The following IRF8 variants were observed in gnomAD, a reference collection of about 807,000 sequenced individuals.
IRF8 encodes interferon regulatory factor 8.
IRF8 carries 14 observed loss-of-function variants against 48.7 expected under a neutral mutation model. That is an observed-to-expected ratio of 0.29 (90% CI 0.19 to 0.45). The LOEUF (loss-of-function observed/expected upper bound fraction) is 0.45, where lower values mean the gene tolerates loss of function less well. Ranked by LOEUF, IRF8 falls within the 20% of genes least tolerant of loss-of-function variation. IRF8 has a pLI of 1.00. For missense variants in IRF8, 493 were observed against 580.7 expected (o/e 0.85, Z 1.55); for synonymous variants, 278 against 227.3 (o/e 1.22, Z -2.01).
intron 7 of IRF8, 73 bp from the exon 8 acceptor site, chr16:85,920,036 C>G: frequency 1.8e-6 from 2 of 1,106,764 alleles, no homozygotes. Context: ...CCTGATCCCC[C>G]AGCCCTGCTG....
intron 2 of IRF8, among the ~76,000 whole-genome samples, chr16:85,905,370 GA>G (rs1904966449): frequency 6.6e-6 from 1 of 152,074 alleles, no homozygotes; most frequent in Admixed American, 6.5e-5. Flanking sequence ...GGGGGGTAAT[GA>G]AATAAAGCCC....
chr16:85,906,513 C>T (rs1007474034), intron 2 of IRF8, among the ~76,000 whole-genome samples: 5 of 152,186 alleles, frequency 3.3e-5, no homozygotes, highest in Non-Finnish European at 5.9e-5. Context: ...GCCAGGTACC[C>T]GATGGTGGCC....
rs922890149 is a variant in IRF8, at chr16:85,921,478, G to A, written c.*196G>A. ...GCGGCATAGCCCTGCCGAGATGTCG[G>A]TGATGGCCTGGATGCTGTAACCACA... On this transcript the variant is annotated 3_prime_UTR_variant, in exon 9 of 9. Coordinates refer to ENST00000268638, the MANE Select transcript of IRF8 (RefSeq NM_002163.4). 3.1e-6 allele frequency: 2 copies of A among 641,692 alleles called. No homozygotes were observed. Among genetic ancestry groups the A allele is most frequent in the African/African-American group, 3.6e-5 (2 of 54,902 alleles). The allele number at this position is 641,692 out of a possible 1,614,324, so 39.7% of individuals were successfully genotyped here.
At chr16:85,911,828 C>T (rs1237780143) in intron 4 of IRF8, among the ~76,000 whole-genome samples, 170 bp downstream of exon 4, 1 of 152,340 alleles carries the variant, frequency 6.6e-6, no homozygotes, top group South Asian at 2.1e-4. Flanking sequence ...GGCTGGGCGC[C>T]CCCTCCCCAG....
chr16:85,909,304 C>T, intron 3 of IRF8, 131 bp downstream of exon 3: 1 of 756,386 alleles, frequency 1.3e-6, no homozygotes, highest in Admixed American at 2.1e-5. Flanking sequence ...CAGTTCTCTC[C>T]TTCGTGTAAG....
intron 8 of IRF8, among the ~76,000 whole-genome samples, chr16:85,920,599 T>C (rs985000676): frequency 2.0e-5 from 3 of 152,124 alleles, no homozygotes; most frequent in Admixed American, 2.0e-4. Flanking sequence ...GGATCAAGTT[T>C]TGGGCTGGAG....
chr16:85,899,487 A>C (rs570522822), intron 1 of IRF8, among the ~76,000 whole-genome samples: 3 of 152,306 alleles, frequency 2.0e-5, no homozygotes, highest in Admixed American at 6.5e-5. Context: ...TTTTCTTTAA[A>C]TCTGGTTTAC....
In IRF8 at chr16:85,920,239, C is replaced by CTTT. The variant is rs10604224; in HGVS notation, c.1104+38_1104+40dup. 1,008 of 487,064 alleles carry CTTT rather than the reference C, an allele frequency of 2.1e-3. No individual in the cohort carries two copies. Among genetic ancestry groups the CTTT allele is most frequent in the South Asian group, 4.1e-3 (216 of 53,140 alleles). 30.2% of individuals were successfully genotyped at this position (487,064 alleles called of 1,614,324 possible). On this transcript the variant is annotated intron_variant, in intron 8 of 8. Coordinates refer to ENST00000268638, the MANE Select transcript of IRF8 (RefSeq NM_002163.4). ...TTCTCGTGCAGGTAAGTATGGGCAG[C>CTTT]TTTTTTTTTTTTTTTTTTTTTTTTT...
chr16:85,905,208 G>C (rs1904959471), intron 2 of IRF8, among the ~76,000 whole-genome samples: 1 of 152,170 alleles, frequency 6.6e-6, no homozygotes, highest in African/African-American at 2.4e-5. Context: ...GAGGTGTTGG[G>C]TGCTGAAGGC....
chr16:85,904,374 A>G (rs1161172109), intron 2 of IRF8, among the ~76,000 whole-genome samples: 1 of 152,238 alleles, frequency 6.6e-6, no homozygotes, highest in African/African-American at 2.4e-5. Flanking sequence ...AGCCCATGAC[A>G]GTGCTGGACT....
chr16:85,918,028 CCG>C (rs2143041845), intron 6 of IRF8, among the ~76,000 whole-genome samples: 1 of 152,310 alleles, frequency 6.6e-6, no homozygotes, highest in East Asian at 1.9e-4. Context: ...AGGCAGCAGA[CCG>C]CAGTGCCCTT....
intron 2 of IRF8, among the ~76,000 whole-genome samples, chr16:85,906,763 C>T (rs1011703401): frequency 6.6e-6 from 1 of 152,148 alleles, no homozygotes; most frequent in African/African-American, 2.4e-5. Context: ...ATTTACCCTC[C>T]AGGGAATACT....
chr16:85,901,491 G>A (rs2152098098), intron 1 of IRF8, among the ~76,000 whole-genome samples: 1 of 152,258 alleles, frequency 6.6e-6, no homozygotes, highest in South Asian at 2.1e-4. Context: ...GGTGGCATAT[G>A]TCTGTAGTTC....
chr16:85,911,809 G>A (rs1905153645), intron 4 of IRF8, 151 bp downstream of exon 4: 3 of 702,538 alleles, frequency 4.3e-6, no homozygotes, highest in Non-Finnish European at 7.5e-6. Flanking sequence ...GATCTGGAAC[G>A]GAAGGACTGG....
At chr16:85,911,448 A>G in intron 3 of IRF8, 122 bp from the exon 4 acceptor site, 1 of 834,532 alleles carries the variant, frequency 1.2e-6, no homozygotes, top group Non-Finnish European at 2.0e-6. Context: ...TCCCAAACCA[A>G]TGAAGACACT....
rs1177860791 is a variant in IRF8, at chr16:85,904,812, C to CTTTTTT, written c.174+1638_174+1643dup. ...ATTTCTCTCTTGTTTGATTGCAGAT[C>CTTTTTT]TTTTTTTTTTTTTTTTTTTTGCCTT... is the stretch of plus-strand genomic sequence containing the variant. On this transcript the variant is annotated intron_variant, in intron 2 of 8. Transcript: ENST00000268638. Among the ~76,000 whole-genome samples, 237 of 87,608 alleles carry CTTTTTT rather than the reference C, an allele frequency of 2.7e-3. 25 individuals carry two copies. The highest frequency in any genetic ancestry group is 9.9e-3 in the African/African-American group (200 of 20,272). 57.5% of individuals were successfully genotyped at this position (87,608 alleles called of 152,430 possible). A position where few individuals can be genotyped will look rare whatever the true frequency, so the allele number is the denominator to read the frequency against.
In IRF8 at chr16:85,921,142, G is replaced by A. The variant is rs760669482; in HGVS notation, c.1141G>A (p.Ala381Thr). Residue 381 changes from alanine to threonine, a missense_variant, in exon 9 of 9, where the codon GCT (alanine) becomes ACT (threonine). Transcript: ENST00000268638. The stretch of plus-strand genomic sequence containing the variant: ...GTATGTCCGGCAACTGGCAGAAGAG[G>A]CTGGGAAGAGCTGTGGAGCCGGCTC... ...QLYVRQLAEE[A>T]GKSCGAGSVM... The A allele has an allele frequency of 6.2e-7, 1 of 1,613,958 alleles. No homozygotes were observed. Among genetic ancestry groups the A allele is most frequent in the East Asian group, 2.2e-5 (1 of 44,904 alleles).
At position 85,921,187 on chromosome 16, in the gene IRF8, G is replaced by C; in HGVS notation, c.1186G>C (p.Glu396Gln). Residue 396 changes from glutamate to glutamine, a missense_variant, in exon 9 of 9, where the codon GAG (glutamate) becomes CAG (glutamine). Physicochemically the swap from Glu to Gln is conservative, Grantham distance 29. Transcript: ENST00000268638. ...CGGCTCTGTGATGCAGGCCCCCGAG[G>C]AGCCGCCGCCAGACCAGGTCTTCCG... ...GAGSVMQAPE[E>Q]PPPDQVFRMF... The C allele has an allele frequency of 1.9e-6, 3 of 1,614,230 alleles. No homozygotes were observed. The highest frequency in any genetic ancestry group is 2.5e-6 in the Non-Finnish European group (3 of 1,180,050).
At chr16:85,907,313 G>A (rs979412841) in intron 2 of IRF8, among the ~76,000 whole-genome samples, 3 of 152,236 alleles carry the variant, frequency 2.0e-5, no homozygotes, top group African/African-American at 4.8e-5. Flanking sequence ...TGTGACTCAT[G>A]GGGGCATGAT....
Sources: allele counts gnomAD v4.1 joint callset (sites outside exome capture counted in the v4.1 genomes callset), GRCh38; gene constraint gnomAD v4.1.1; transcripts MANE v1.5; gene names NCBI Gene and HGNC (gene_info 2026-07-23, HGNC 2026-07-21).